THADA: variants seen among roughly 807,000 people sequenced by gnomAD.
THADA encodes the protein tRNA (32-2'-O)-methyltransferase regulator THADA.
A neutral mutation model predicts 219.8 loss-of-function variants in THADA; 213 were observed. The ratio of observed to expected loss-of-function variants is 0.97; its 90% CI spans 0.87 to 1.09. The LOEUF is 1.09. THADA is among the 50% of genes least tolerant of loss of function. The pLI is 0.00. For missense variants in THADA, 2,956 were observed against 2,311.3 expected (o/e 1.28, Z -5.72); for synonymous variants, 1,018 against 828.9 (o/e 1.23, Z -3.92).
rs1165863872 is a variant in THADA, at chr2:43,507,516, T to TTGTATA, written c.3507+1131_3507+1132insTATACA. ...TGGGTCAGATCAAATAAAAGTTGATTTCTGAAGGTCACCAAAATCCATTCA... is the reference window on the plus strand; with the variant it reads ...TGGGTCAGATCAAATAAAAGTTGATTTGTATATCTGAAGGTCACCAAAATCCATTCA... On this transcript the variant is annotated intron_variant, in intron 23 of 37. Coordinates refer to ENST00000405975, the MANE Select transcript of THADA (RefSeq NM_022065.5). Among the ~76,000 whole-genome samples the TTGTATA allele has an allele frequency of 6.6e-5, 10 of 152,296 alleles. No individual in the cohort carries two copies. In the East Asian group the frequency reaches 1.9e-3, roughly 29 times the overall value.
In THADA at chr2:43,333,805, C is replaced by T. The variant is rs537443550; in HGVS notation, c.4343+10317G>A. Among the ~76,000 whole-genome samples the T allele has an allele frequency of 8.0e-4, 122 of 152,290 alleles. 1 individual carries two copies. The South Asian group carries it at 8.1e-3, about 10-fold the overall frequency. ...CAGCTGTGGCAAAAGGCTGTGGCCT[C>T]TTTCTATTTCAAGTCATTGCAAAAG... On this transcript the variant is annotated intron_variant, in intron 30 of 37. Coordinates refer to ENST00000405975, the MANE Select transcript of THADA (RefSeq NM_022065.5).
chr2:43,464,916 T>G (rs1395829533), intron 26 of THADA, among the ~76,000 whole-genome samples: 1 of 151,956 alleles, frequency 6.6e-6, no homozygotes, highest in Non-Finnish European at 1.5e-5. Flanking sequence ...TAACGAACAT[T>G]TTGCCAGAAA....
chr2:43,495,146 A>C (rs921773019), intron 25 of THADA, among the ~76,000 whole-genome samples: 3 of 152,188 alleles, frequency 2.0e-5, no homozygotes, highest in African/African-American at 7.2e-5. Flanking sequence ...TGCTTTTGTA[A>C]ATTGTTTTTG....
At chr2:43,388,589 T>C (rs753668184) in intron 29 of THADA, among the ~76,000 whole-genome samples, 4 of 152,182 alleles carry the variant, frequency 2.6e-5, no homozygotes, top group South Asian at 2.1e-4. Flanking sequence ...GGAGAGGATG[T>C]AATTCAAAAC....
At chr2:43,506,954 CAT>C (rs528141410) in intron 23 of THADA, among the ~76,000 whole-genome samples, 39 of 152,220 alleles carry the variant, frequency 2.6e-4, no homozygotes, top group Non-Finnish European at 5.0e-4. Context: ...GCTCAGATAA[CAT>C]ATATTTTTTA....
At position 43,578,616 on chromosome 2, in the gene THADA, CA is replaced by C; in HGVS notation, c.722-10del. ...AGTCTGTAACAGATCATCTATTTGG[CA>C]AAAAAGGAGAGAAGCTTGTGTTAAA... On this transcript the variant is annotated splice_polypyrimidine_tract_variant and intron_variant, in intron 8 of 37. Transcript: ENST00000405975. 4 of 1,561,986 alleles carry C rather than the reference CA, an allele frequency of 2.6e-6. No homozygotes were observed. The highest frequency in any genetic ancestry group is 2.6e-6 in the Non-Finnish European group (3 of 1,149,510).
rs1699663592 is a variant in THADA at position 43,574,686 on chromosome 2, C to T, written c.1379G>A (p.Cys460Tyr). ...TTCAACTCCTATGCACTCTACCAAA[C>T]AACCAAGGCACGTGTACTTTCCTTT... ...HIKGKYTCLG[C>Y]LVECIGVEHI... Residue 460 changes from cysteine to tyrosine, a missense_variant, in exon 11 of 38, where the codon TGT becomes TAT. Physicochemically the swap from Cys to Tyr is radical, Grantham distance 194. Coordinates refer to ENST00000405975, the MANE Select transcript of THADA (RefSeq NM_022065.5). The T allele has an allele frequency of 1.2e-6, 2 of 1,614,032 alleles. No homozygotes were observed. The highest frequency in any genetic ancestry group is 8.5e-7 in the Non-Finnish European group (1 of 1,179,886).
Position 43,232,820 on chromosome 2 carries a change from C to A in THADA, c.5359G>T (p.Asp1787Tyr). ...ALALALAVLCDLLQQWDQLAP... is the reference protein window; with the variant it reads ...ALALALAVLCYLLQQWDQLAP... ...AACTGGTCCCACTGCTGGAGCAGAT[C>A]ACACAGGACGGCCAGGGCCAGGGCC... Residue 1787 changes from aspartate to tyrosine, a missense_variant, in exon 37 of 38, where the codon GAT (aspartate) becomes TAT (tyrosine). By Grantham distance (160) the Asp-to-Tyr change is radical. Coordinates refer to ENST00000405975, the MANE Select transcript of THADA (RefSeq NM_022065.5). The A allele has an allele frequency of 1.9e-6, 3 of 1,613,060 alleles. No individual in the cohort carries two copies. Among genetic ancestry groups the A allele is most frequent in the Non-Finnish European group, 2.5e-6 (3 of 1,179,576 alleles).
intron 7 of THADA, among the ~76,000 whole-genome samples, chr2:43,583,545 T>C (rs528477998): frequency 1.3e-5 from 2 of 152,234 alleles, no homozygotes; most frequent in Non-Finnish European, 1.5e-5. Context: ...AATTATCTTA[T>C]GATTCCACTC....
intron 29 of THADA, among the ~76,000 whole-genome samples, chr2:43,349,532 T>C (rs1336059738): frequency 6.6e-6 from 1 of 152,206 alleles, no homozygotes; most frequent in Non-Finnish European, 1.5e-5. Context: ...AGATGATATA[T>C]GGTTGTTTGG....
intron 26 of THADA, among the ~76,000 whole-genome samples, chr2:43,431,355 T>G (rs1679247896): frequency 6.6e-6 from 1 of 152,164 alleles, no homozygotes; most frequent in South Asian, 2.1e-4. Flanking sequence ...AGATCCCCCA[T>G]GCCCCTTCCC....
chr2:43,455,911 T>G (rs562694098), intron 26 of THADA, among the ~76,000 whole-genome samples: 1 of 152,222 alleles, frequency 6.6e-6, no homozygotes, highest in African/African-American at 2.4e-5. Context: ...GGTCAAAACG[T>G]TGACCACACT....
intron 26 of THADA, among the ~76,000 whole-genome samples, chr2:43,438,040 G>A (rs1053213895): frequency 1.1e-4 from 17 of 152,172 alleles, no homozygotes; most frequent in Admixed American, 2.6e-4. Context: ...GGTGGCTCAC[G>A]CCTGTAATCC....
intron 30 of THADA, among the ~76,000 whole-genome samples, chr2:43,331,226 T>TG (rs1323780594): frequency 6.6e-6 from 1 of 152,234 alleles, no homozygotes; most frequent in Non-Finnish European, 1.5e-5. Flanking sequence ...TGTGGTTCTA[T>TG]GGTACTCTTA....
chr2:43,339,066 A>G (rs1666794497), intron 30 of THADA, among the ~76,000 whole-genome samples: 2 of 152,212 alleles, frequency 1.3e-5, no homozygotes, highest in Non-Finnish European at 2.9e-5. Flanking sequence ...AAAGCATAGG[A>G]AAAAAGATGA....
chr2:43,511,650 C>CAACACACACACGACACA (rs11273776), intron 22 of THADA, among the ~76,000 whole-genome samples: 57,926 of 151,750 alleles, frequency 0.38, 11,952 homozygotes, highest in African/African-American at 0.51. Context: ...TACTAACATA[C>CAACACACACACGACACA]AACACACACA....
chr2:43,264,496 G>C (rs1671303580), intron 36 of THADA, among the ~76,000 whole-genome samples: 2 of 152,048 alleles, frequency 1.3e-5, no homozygotes, highest in Admixed American at 6.6e-5. Flanking sequence ...TGTTGGTCAA[G>C]CTGGTCTCGA....
At chr2:43,237,312 G>A (rs552372937) in intron 36 of THADA, among the ~76,000 whole-genome samples, 24 of 151,846 alleles carry the variant, frequency 1.6e-4, no homozygotes, top group African/African-American at 4.6e-4. Flanking sequence ...AAAGAATGAC[G>A]TTGGACCCCT....
chr2:43,248,160 TATATAGAGAGAGAGAGAGAG>T (rs1200479329), intron 36 of THADA, among the ~76,000 whole-genome samples: 371 of 52,678 alleles, frequency 7.0e-3, no homozygotes, highest in Admixed American at 9.9e-3. Flanking sequence ...TATATATATA[TATATAGAGAGAGAGAGAGAG>T]AGAGAGAGAG....
Sources: gnomAD v4.1 joint callset for allele counts (sites outside exome capture counted in the v4.1 genomes callset) on GRCh38, gnomAD v4.1.1 for gene constraint, MANE v1.5 for transcripts, NCBI Gene and HGNC (gene_info 2026-07-23, HGNC 2026-07-21) for gene names.